PC: variants seen among roughly 807,000 people sequenced by gnomAD.
PC encodes pyruvate carboxylase, mitochondrial.
Under a neutral mutation model 107.8 loss-of-function variants are expected in PC, and 46 were observed. That is an observed-to-expected ratio of 0.43 (90% CI 0.34 to 0.55). The LOEUF (loss-of-function observed/expected upper bound fraction) is 0.55. Ranked by LOEUF, PC falls within the 20% of genes least tolerant of loss-of-function variation. The pLI is 0.04. For synonymous variants in PC, 662 were observed against 684.7 expected (o/e 0.97, Z 0.52); for missense variants, 1,241 against 1,643.1 (o/e 0.76, Z 4.23).
chr11:66,914,325 A>G (rs555100909), intron 3 of PC, among the ~76,000 whole-genome samples: 1 of 152,284 alleles, frequency 6.6e-6, no homozygotes, highest in South Asian at 2.1e-4. Context: ...CAGCCTGGCC[A>G]ATATGGTGAA....
chr11:66,954,645 A>G (rs573271178), intron 1 of PC, among the ~76,000 whole-genome samples: 45 of 152,232 alleles, frequency 3.0e-4, no homozygotes, highest in African/African-American at 9.9e-4. Flanking sequence ...CTCATCCTCA[A>G]TGAAAATGTT....
At chr11:66,930,032 A>T (rs1215472894) in intron 3 of PC, among the ~76,000 whole-genome samples, 1 of 152,144 alleles carries the variant, frequency 6.6e-6, no homozygotes, top group Non-Finnish European at 1.5e-5. Flanking sequence ...GGAAATCTAA[A>T]GAGATCTTAC....
At chr11:66,950,485 T>A (rs918780580) in intron 3 of PC, among the ~76,000 whole-genome samples, 2 of 152,124 alleles carry the variant, frequency 1.3e-5, no homozygotes, top group South Asian at 4.1e-4. Flanking sequence ...CCTTCAGGCA[T>A]AACACTTAAC....
Position 66,852,614 on chromosome 11 carries a change from A to G in PC, c.1650T>C (p.Pro550=), listed in dbSNP as rs1164560956. 7.4e-6 allele frequency: 12 copies of G among 1,613,948 alleles called. No individual in the cohort carries two copies. Among genetic ancestry groups the G allele is most frequent in the East Asian group, 2.2e-5 (1 of 44,884 alleles). The change falls in exon 15 of 23, where the codon CCT becomes CCC. Residue 550 remains proline (P), a synonymous_variant. Transcript: ENST00000393960. The surrounding 1 kb of genome is among the most constrained non-coding windows in gnomAD (Gnocchi z 4.7). ...TCCGCACAGCTCGAGCAAAGCCCTC[A>G]GGCCCCTCTCGCAGCAGGATGTCTC... ...GFRDILLREG[P]EGFARAVRNH...
chr11:66,871,548 C>A lies in PC; in HGVS notation c.322-68G>T. On this transcript the variant is annotated intron_variant, in intron 5 of 22. Coordinates refer to ENST00000393960, the MANE Select transcript of PC (RefSeq NM_001040716.2). This position sits in a 1 kb window ranked among gnomAD's most constrained non-coding sequence, Gnocchi z 7.4. ...TTCCAAGGCCTCGGCCAGCCTCTTC[C>A]CCTGCCTAACCTGCTGAGCTGCATC... 1 of 1,600,514 alleles carries A rather than the reference C, an allele frequency of 6.2e-7. No individual in the cohort carries two copies. The highest frequency in any genetic ancestry group is 1.1e-5 in the South Asian group (1 of 90,720).
chr11:66,860,308 C>A, intron 12 of PC: 1 of 1,424,838 alleles, frequency 7.0e-7, no homozygotes, highest in Non-Finnish European at 9.6e-7. Context: ...GTACCTCAGG[C>A]TCCCCTGTGT....
chr11:66,950,715 A>G (rs2136153645), intron 3 of PC, among the ~76,000 whole-genome samples: 1 of 152,236 alleles, frequency 6.6e-6, no homozygotes, highest in East Asian at 1.9e-4. Context: ...GATCTAAGGG[A>G]AGACATCAAT....
intron 1 of PC, among the ~76,000 whole-genome samples, chr11:66,955,125 G>T (rs527462430): frequency 1.3e-5 from 2 of 152,132 alleles, no homozygotes; most frequent in African/African-American, 4.8e-5. Flanking sequence ...TCTCCTCACT[G>T]GTTCCCAGTT....
intron 3 of PC, among the ~76,000 whole-genome samples, chr11:66,937,852 C>T (rs1949038246): frequency 6.6e-6 from 1 of 151,370 alleles, no homozygotes; most frequent in African/African-American, 2.4e-5. Context: ...TCTCAGCTCA[C>T]TGCAATCTCC....
At chr11:66,929,134 T>C (rs1027161732) in intron 3 of PC, among the ~76,000 whole-genome samples, 2 of 152,160 alleles carry the variant, frequency 1.3e-5, no homozygotes, top group African/African-American at 2.4e-5. Context: ...TCTCCCATTA[T>C]AAATCCATAA....
chr11:66,936,274 G>A (rs1055190773), intron 3 of PC, among the ~76,000 whole-genome samples: 20 of 151,554 alleles, frequency 1.3e-4, no homozygotes, highest in South Asian at 2.1e-4. Flanking sequence ...AGGTGGGGGG[G>A]GAGAGAAAAA....
chr11:66,862,779 C>T (rs1946328848), intron 12 of PC, among the ~76,000 whole-genome samples: 1 of 152,246 alleles, frequency 6.6e-6, no homozygotes, highest in Non-Finnish European at 1.5e-5. Flanking sequence ...CATTTAGAGT[C>T]CTCATGCCAG....
chr11:66,852,226 C>T lies in PC; in HGVS notation c.1825+213G>A, dbSNP rs1454684017. ...TTAACAGGCAGGTGTCTCCTCCTGA[C>T]CCTGGACCTCCCAGGATGCACCTGG... On this transcript the variant is annotated intron_variant, in intron 15 of 22. Transcript: ENST00000393960. The surrounding 1 kb of genome is among the most constrained non-coding windows in gnomAD (Gnocchi z 4.7). Among the ~76,000 whole-genome samples, 5 of 152,242 alleles carry T rather than the reference C, an allele frequency of 3.3e-5. No individual in the cohort carries two copies. Among genetic ancestry groups the T allele is most frequent in the African/African-American group, 9.6e-5 (4 of 41,458 alleles).
At chr11:66,925,828 T>C (rs1948703380) in intron 3 of PC, among the ~76,000 whole-genome samples, 1 of 151,994 alleles carries the variant, frequency 6.6e-6, no homozygotes. Context: ...AACTAATAAA[T>C]GTCCATGAAA....
chr11:66,871,182 G>C lies in PC; in HGVS notation c.503C>G (p.Pro168Arg). ...IAIAAGVPVV[P>R]GTDAPITSLH... ...GGACGTGATGGGGGCATCTGTGCCA[G>C]GGACAACGGGAACACCTGTTGGGAG... Residue 168 changes from proline (P) to arginine (R), a missense_variant, in exon 7 of 23, where the codon CCT (proline) becomes CGT (arginine). Pro to Arg is a moderately radical substitution (Grantham distance 103, BLOSUM62 -2). Coordinates refer to ENST00000393960, the MANE Select transcript of PC (RefSeq NM_001040716.2). The surrounding 1 kb of genome is among the most constrained non-coding windows in gnomAD (Gnocchi z 7.4). 6.2e-7 allele frequency: 1 copy of C among 1,613,346 alleles called. No individual in the cohort carries two copies. The highest frequency in any genetic ancestry group is 1.1e-5 in the South Asian group (1 of 91,022).
At chr11:66,855,499 A>G (rs2135837863) in intron 12 of PC, among the ~76,000 whole-genome samples, 1 of 152,268 alleles carries the variant, frequency 6.6e-6, no homozygotes, top group East Asian at 1.9e-4. Context: ...GGGTTTCGCC[A>G]TGTTTGCCAG....
chr11:66,891,202 G>A (rs1315082780), intron 3 of PC, among the ~76,000 whole-genome samples: 5 of 150,464 alleles, frequency 3.3e-5, no homozygotes, highest in Non-Finnish European at 1.5e-5. Flanking sequence ...GATTACAGAT[G>A]TGCGCCAACA....
rs1434638152 is a variant in PC, at chr11:66,944,870, A to G, written c.-1+7560T>C. Among the ~76,000 whole-genome samples the G allele has an allele frequency of 2.6e-5, 3 of 116,498 alleles. 1 individual carries two copies. Among genetic ancestry groups the G allele is most frequent in the African/African-American group, 9.3e-5 (3 of 32,300 alleles). The allele number at this position is 116,498 out of a possible 152,430, so 76.4% of individuals were successfully genotyped here. On this transcript the variant is annotated intron_variant, in intron 3 of 22. Coordinates refer to ENST00000393960, the MANE Select transcript of PC (RefSeq NM_001040716.2). The stretch of plus-strand genomic sequence containing the variant: ...GGTCAAACTGCATTAATAATTCTCA[A>G]CCAGGTCCACTCACCACCTACAAGC...
chr11:66,904,637 C>CAA (rs1313289870), intron 3 of PC, among the ~76,000 whole-genome samples: 3 of 152,100 alleles, frequency 2.0e-5, no homozygotes, highest in South Asian at 2.1e-4. Context: ...GACCCTGTCT[C>CAA]AAAACACACA....
Sources: allele counts gnomAD v4.1 joint callset (sites outside exome capture counted in the v4.1 genomes callset), GRCh38; gene constraint gnomAD v4.1.1; non-coding constraint Gnocchi (gnomAD v3.1); transcripts MANE v1.5; gene names NCBI Gene and HGNC (gene_info 2026-07-23, HGNC 2026-07-21).